The following CLSTN2 variants were observed in gnomAD, a reference collection of about 807,000 sequenced individuals.
CLSTN2 encodes calsyntenin 2.
In CLSTN2, 48 loss-of-function variants were observed where a neutral mutation model predicts 101.2. The observed-to-expected ratio is 0.47, with a 90% CI of 0.38 to 0.60. CLSTN2 has a LOEUF of 0.60. Ranked by LOEUF, CLSTN2 falls within the 20% of genes least tolerant of loss-of-function variation. The probability of loss-of-function intolerance (pLI) is 0.00; values close to 1 mark genes in which losing one functional copy is unlikely to be tolerated. For missense variants in CLSTN2, 1,160 were observed against 1,238.2 expected (o/e 0.94, Z 0.95); for synonymous variants, 481 against 463.6 (o/e 1.04, Z -0.48).
At chr3:139,994,519 T>C (rs1050313192) in intron 1 of CLSTN2, among the ~76,000 whole-genome samples, 7 of 152,182 alleles carry the variant, frequency 4.6e-5, no homozygotes, top group Non-Finnish European at 8.8e-5. Flanking sequence ...TTATTATTCT[T>C]ATATGGAGAC....
intron 2 of CLSTN2, among the ~76,000 whole-genome samples, chr3:140,240,213 CACACACACATAT>C (rs55928954): frequency 0.075 from 910 of 12,188 alleles, 35 homozygotes; most frequent in South Asian, 0.17. Context: ...CACACACACA[CACACACACATAT>C]ATATATATGC....
chr3:140,039,679 T>C (rs1377973198), intron 1 of CLSTN2, among the ~76,000 whole-genome samples: 1 of 152,168 alleles, frequency 6.6e-6, no homozygotes, highest in Non-Finnish European at 1.5e-5. Context: ...ACCAAGTAAT[T>C]TGTGGGGCTG....
chr3:140,194,735 T>G (rs528538889), intron 2 of CLSTN2, among the ~76,000 whole-genome samples: 1 of 152,208 alleles, frequency 6.6e-6, no homozygotes, highest in Non-Finnish European at 1.5e-5. Flanking sequence ...TTGGGCTTCA[T>G]TGACACCTAA....
intron 2 of CLSTN2, among the ~76,000 whole-genome samples, chr3:140,218,164 T>A (rs1167328171): frequency 6.6e-6 from 1 of 152,242 alleles, no homozygotes; most frequent in East Asian, 1.9e-4. Context: ...ATTAAGCTCC[T>A]GTCAGCAGAA....
chr3:140,562,882 C>G lies in CLSTN2; in HGVS notation c.2284C>G (p.Leu762Val), dbSNP rs773278817. ...IRYRNWRPAS[L>V]EARRFRIKCS... ...CTACCGCAACTGGCGTCCGGCTTCC[C>G]TTGAGGCCCGGCGTTTCCGGATTAA... The change falls in exon 14 of 17, where the codon CTT becomes GTT. Residue 762 changes from leucine to valine, a missense_variant. Physicochemically the swap from Leu to Val is conservative, Grantham distance 32 (BLOSUM62 1). Transcript: ENST00000458420. The G allele has an allele frequency of 6.2e-7, 1 of 1,614,172 alleles. No individual in the cohort carries two copies. The highest frequency in any genetic ancestry group is 1.7e-5 in the Admixed American group (1 of 60,030).
rs1369184789 is a variant in CLSTN2 at position 140,572,225 on chromosome 3, A to AT, written c.*5973dup. On this transcript the variant is annotated 3_prime_UTR_variant, in exon 17 of 17. Transcript: ENST00000458420. ...CAGGTGTAATTCTAGGGGCCCTGAT[A>AT]TGCATCACTGAGGCAGACTGAGGAG... is the stretch of plus-strand genomic sequence containing the variant. 6.6e-6 allele frequency: 1 copy of AT among 152,208 alleles called. No individual in the cohort carries two copies. The highest frequency in any genetic ancestry group is 1.5e-5 in the Non-Finnish European group (1 of 68,052). 9.4% of individuals were successfully genotyped at this position (152,208 alleles called of 1,614,324 possible).
At chr3:140,159,380 CAAAAG>C (rs2107818896) in intron 1 of CLSTN2, among the ~76,000 whole-genome samples, 1 of 152,184 alleles carries the variant, frequency 6.6e-6, no homozygotes, top group African/African-American at 2.4e-5. Flanking sequence ...AGACACTTCT[CAAAAG>C]AAGATATACA....
At position 140,374,669 on chromosome 3, in the gene CLSTN2, A is replaced by G. The variant is rs188131941; in HGVS notation, c.233-28960A>G. On this transcript the variant is annotated intron_variant, in intron 2 of 16. Transcript: ENST00000458420. ...TTTTAAAAATAGAGCTATCAAATTA[A>G]TGCAAGAAGAAATAGAAAACCTAAA... is the stretch of plus-strand genomic sequence containing the variant. Among the ~76,000 whole-genome samples the G allele has an allele frequency of 1.3e-3, 199 of 152,388 alleles. 1 individual carries two copies. Among genetic ancestry groups the G allele is most frequent in the African/African-American group, 4.6e-3 (191 of 41,596 alleles).
intron 1 of CLSTN2, among the ~76,000 whole-genome samples, chr3:140,166,842 A>C (rs2010142821): frequency 6.6e-6 from 1 of 152,212 alleles, no homozygotes; most frequent in South Asian, 2.1e-4. Flanking sequence ...GGGGCATGAT[A>C]TGACACAGCT....
Position 140,233,360 on chromosome 3 carries a change from T to A in CLSTN2, c.232+57287T>A, listed in dbSNP as rs778835775. Among the ~76,000 whole-genome samples, 109 of 152,302 alleles carry A rather than the reference T, an allele frequency of 7.2e-4. 1 individual carries two copies. The highest frequency in any genetic ancestry group is 1.0e-3 in the Non-Finnish European group (68 of 68,014). On this transcript the variant is annotated intron_variant, in intron 2 of 16. Transcript: ENST00000458420. Reference sequence around the variant, plus strand: ...TGCTCCTTATCCCCGGATTCTGGGCTGTATAGGTGTTCTCCTCCAAGCTCA... The same window carrying A: ...TGCTCCTTATCCCCGGATTCTGGGCAGTATAGGTGTTCTCCTCCAAGCTCA...
chr3:140,265,683 C>G (rs1042880286), intron 2 of CLSTN2, among the ~76,000 whole-genome samples: 1 of 152,030 alleles, frequency 6.6e-6, no homozygotes, highest in African/African-American at 2.4e-5. Context: ...AAAGTAAAAC[C>G]ATCAGTGCTT....
chr3:140,241,403 T>G (rs2086465794), intron 2 of CLSTN2, among the ~76,000 whole-genome samples: 1 of 152,122 alleles, frequency 6.6e-6, no homozygotes, highest in Admixed American at 6.6e-5. Flanking sequence ...ACTCAATGTT[T>G]CGTGAGTCCA....
chr3:140,361,006 CTG>C (rs143517148), intron 2 of CLSTN2, among the ~76,000 whole-genome samples: 3 of 152,262 alleles, frequency 2.0e-5, no homozygotes, highest in African/African-American at 7.2e-5. Context: ...TTGGTTTTTT[CTG>C]TGTGGTCAGT....
chr3:140,273,485 T>G, intron 2 of CLSTN2, among the ~76,000 whole-genome samples: 1 of 152,196 alleles, frequency 6.6e-6, no homozygotes, highest in East Asian at 1.9e-4. Flanking sequence ...CACAGCTACA[T>G]GTGGCCTCAG....
At chr3:140,487,917 C>T (rs1934270770) in intron 8 of CLSTN2, among the ~76,000 whole-genome samples, 2 of 152,118 alleles carry the variant, frequency 1.3e-5, no homozygotes, top group South Asian at 4.1e-4. Context: ...AAAAAGTGAG[C>T]CCACAATAGG....
chr3:139,935,480 A>G lies in CLSTN2; in HGVS notation c.106A>G (p.Lys36Glu). ...DSRQRRLLAA[K>E]VNKHKPWIET... is the part of the protein sequence containing the mutation. ...CCGGCAGCGCCGCCTCCTCGCGGCT[A>G]AAGGTGGGTGCTGGGGAAGTTTGCT... Residue 36 changes from lysine to glutamate, a missense_variant, in exon 1 of 17, where the codon AAA (lysine) becomes GAA (glutamate). By Grantham distance (56) the Lys-to-Glu change is moderately conservative (BLOSUM62 1). Coordinates refer to ENST00000458420, the MANE Select transcript of CLSTN2 (RefSeq NM_022131.3). The surrounding 1 kb of genome is among the most constrained non-coding windows in gnomAD (Gnocchi z 5.5). The G allele has an allele frequency of 8.2e-7, 1 of 1,225,514 alleles. No individual in the cohort carries two copies. The highest frequency in any genetic ancestry group is 4.2e-5 in the Admixed American group (1 of 23,636). The allele number at this position is 1,225,514 out of a possible 1,614,324, so 75.9% of individuals were successfully genotyped here. A position where few individuals can be genotyped will look rare whatever the true frequency, so the allele number is the denominator to read the frequency against.
chr3:140,450,178 G>A (rs3943883), intron 6 of CLSTN2: 75,238 of 151,938 alleles, frequency 0.5, 21,004 homozygotes, highest in African/African-American at 0.76. Context: ...CATTTTAGAG[G>A]TGAAAAATTT....
intron 1 of CLSTN2, among the ~76,000 whole-genome samples, chr3:139,955,597 A>C (rs1207122152): frequency 2.2e-4 from 1 of 4,620 alleles, no homozygotes; most frequent in East Asian, 0.25. Flanking sequence ...GGCCGGGCTC[A>C]TGGGCTGCTA....
chr3:140,205,900 G>A (rs986206437), intron 2 of CLSTN2, among the ~76,000 whole-genome samples: 1 of 152,090 alleles, frequency 6.6e-6, no homozygotes, highest in Non-Finnish European at 1.5e-5. Context: ...TGGATGGAGC[G>A]CCTGTGTGCA....
Sources: allele counts gnomAD v4.1 joint callset (sites outside exome capture counted in the v4.1 genomes callset), GRCh38; gene constraint gnomAD v4.1.1; non-coding constraint Gnocchi (gnomAD v3.1); transcripts MANE v1.5; gene names NCBI Gene and HGNC (gene_info 2026-07-23, HGNC 2026-07-21).